The following CSMD1 variants were observed in gnomAD, a reference collection of about 807,000 sequenced individuals.
CSMD1 encodes CUB and Sushi multiple domains 1.
In CSMD1, 213 loss-of-function variants were observed where a neutral mutation model predicts 417.5. That is an observed-to-expected ratio of 0.51 (90% CI 0.46 to 0.57). CSMD1 has a LOEUF of 0.57. Ranked by LOEUF, CSMD1 falls within the 20% of genes least tolerant of loss-of-function variation. The pLI is 0.00. For synonymous variants in CSMD1, 2,862 were observed against 1,736.8 expected, an observed-to-expected ratio of 1.65 and a Z score of -16.11; for missense variants, 6,923 against 4,529.7, an observed-to-expected ratio of 1.53 and a Z score of -15.17.
chr8:3,527,729 G>C (rs547555976), intron 10 of CSMD1, among the ~76,000 whole-genome samples: 52 of 152,180 alleles, frequency 3.4e-4, no homozygotes, highest in African/African-American at 1.2e-3. Flanking sequence ...GGGAGGGGTG[G>C]GTGAAACGAA....
intron 26 of CSMD1, among the ~76,000 whole-genome samples, chr8:3,244,101 A>T (rs1799723026): frequency 6.6e-6 from 1 of 152,248 alleles, no homozygotes; most frequent in African/African-American, 2.4e-5. Context: ...TACACAGATC[A>T]CAACGTGCGC....
chr8:3,922,049 T>C (rs1809313414), intron 5 of CSMD1, among the ~76,000 whole-genome samples: 1 of 152,190 alleles, frequency 6.6e-6, no homozygotes, highest in African/African-American at 2.4e-5. Flanking sequence ...ATTTGCTATA[T>C]ATGTAGGTGC....
intron 12 of CSMD1, among the ~76,000 whole-genome samples, chr8:3,428,810 C>T (rs1240161277): frequency 6.6e-6 from 1 of 152,070 alleles, no homozygotes; most frequent in African/African-American, 2.4e-5. Flanking sequence ...ACCGAGGTGT[C>T]AATCAATGGA....
Position 3,507,073 on chromosome 8 carries a change from T to C in CSMD1, c.1345-13347A>G, listed in dbSNP as rs571790377. 5.9e-4 allele frequency among the ~76,000 whole-genome samples: 90 copies of C among 152,290 alleles called. 2 individuals are homozygous for C. The highest frequency in any genetic ancestry group is 2.1e-3 in the African/African-American group (86 of 41,562). ...CCTAACATAGAGCTTGGTGTCATGG[T>C]TACAGTTTTACAAATGATAATTACT... is the stretch of plus-strand genomic sequence containing the variant. On this transcript the variant is annotated intron_variant, in intron 10 of 69. Coordinates refer to ENST00000635120, the MANE Select transcript of CSMD1 (RefSeq NM_033225.6).
chr8:3,739,048 T>A (rs1796667082), intron 6 of CSMD1, among the ~76,000 whole-genome samples: 1 of 152,256 alleles, frequency 6.6e-6, no homozygotes. Flanking sequence ...TTTCTAGTTA[T>A]GTTCTTACAT....
chr8:4,555,263 C>T (rs1055076275), intron 2 of CSMD1, among the ~76,000 whole-genome samples: 2 of 152,094 alleles, frequency 1.3e-5, no homozygotes, highest in East Asian at 3.9e-4. Flanking sequence ...GATGGCTGTT[C>T]GGTCAGGGAA....
intron 25 of CSMD1, among the ~76,000 whole-genome samples, chr8:3,296,654 C>A (rs1463043819): frequency 6.6e-6 from 1 of 151,988 alleles, no homozygotes; most frequent in Non-Finnish European, 1.5e-5. Flanking sequence ...TATGGAGGTA[C>A]CCAGGCACTG....
intron 3 of CSMD1, among the ~76,000 whole-genome samples, chr8:4,178,608 G>C (rs1218244167): frequency 1.3e-5 from 2 of 151,628 alleles, no homozygotes; most frequent in African/African-American, 2.4e-5. Context: ...AGGAAATAAA[G>C]GGTATTCAAT....
chr8:3,053,151 T>C (rs1343909052), intron 49 of CSMD1, among the ~76,000 whole-genome samples: 1 of 152,158 alleles, frequency 6.6e-6, no homozygotes, highest in Non-Finnish European at 1.5e-5. Context: ...AAAGGTTAAA[T>C]GAGGAACAAT....
intron 3 of CSMD1, among the ~76,000 whole-genome samples, chr8:4,047,378 C>A (rs1022476238): frequency 6.6e-6 from 1 of 152,086 alleles, no homozygotes; most frequent in African/African-American, 2.4e-5. Context: ...GGAATAGGAA[C>A]AATCTTGGAA....
chr8:4,688,022 G>C (rs531743426), intron 1 of CSMD1, among the ~76,000 whole-genome samples: 2 of 152,098 alleles, frequency 1.3e-5, no homozygotes, highest in Admixed American at 6.6e-5. Flanking sequence ...TACCTACACT[G>C]TTCCATTTTT....
intron 1 of CSMD1, among the ~76,000 whole-genome samples, chr8:4,695,601 C>G (rs1584956004): frequency 1.3e-5 from 2 of 152,116 alleles, no homozygotes; most frequent in African/African-American, 2.4e-5. Context: ...TCCCCCCCAC[C>G]ACACAGCCTT....
chr8:3,211,318 T>C (rs1188909904), intron 30 of CSMD1, among the ~76,000 whole-genome samples: 1 of 152,244 alleles, frequency 6.6e-6, no homozygotes, highest in African/African-American at 2.4e-5. Flanking sequence ...GTGCTGAGAT[T>C]ACAGGCATGA....
chr8:4,838,218 C>T (rs1483117340), intron 1 of CSMD1, among the ~76,000 whole-genome samples: 1 of 152,164 alleles, frequency 6.6e-6, no homozygotes, highest in African/African-American at 2.4e-5. Context: ...TTTGAGATCT[C>T]CTTAGGGTTT....
At chr8:3,984,673 G>C (rs1814168918) in intron 5 of CSMD1, among the ~76,000 whole-genome samples, 1 of 137,154 alleles carries the variant, frequency 7.3e-6, no homozygotes, top group Non-Finnish European at 1.5e-5. Flanking sequence ...AAAACAGAAT[G>C]ATTTATGGGT....
At chr8:3,090,315 T>TTAAAAA (rs1814852742) in intron 48 of CSMD1, among the ~76,000 whole-genome samples, 1 of 15,046 alleles carries the variant, frequency 6.6e-5, no homozygotes, top group Non-Finnish European at 1.2e-4. Context: ...AGACTGTATT[T>TTAAAAA]CAAAAAAAAA....
chr8:3,849,265 G>A (rs189039773), intron 5 of CSMD1, among the ~76,000 whole-genome samples: 1 of 152,216 alleles, frequency 6.6e-6, no homozygotes, highest in East Asian at 1.9e-4. Flanking sequence ...AGGAACACGG[G>A]TGCATGTGAA....
chr8:4,239,234 C>A (rs747471467), intron 3 of CSMD1, among the ~76,000 whole-genome samples: 1 of 152,186 alleles, frequency 6.6e-6, no homozygotes, highest in African/African-American at 2.4e-5. Flanking sequence ...CTGCCAAACT[C>A]AGAATTCCAT....
intron 1 of CSMD1, among the ~76,000 whole-genome samples, chr8:4,692,033 TC>T (rs1482186217): frequency 6.6e-6 from 1 of 152,118 alleles, no homozygotes; most frequent in Non-Finnish European, 1.5e-5. Flanking sequence ...AGTCCTACTA[TC>T]CTGAATTATG....
Sources: allele counts gnomAD v4.1 joint callset (sites outside exome capture counted in the v4.1 genomes callset), GRCh38; gene constraint gnomAD v4.1.1; transcripts MANE v1.5; gene names NCBI Gene and HGNC (gene_info 2026-07-23, HGNC 2026-07-21).